The following PFKFB3 variants were observed in gnomAD, a reference collection of about 807,000 sequenced individuals.
PFKFB3 encodes the protein 6-phosphofructo-2-kinase/fructose-2,6-bisphosphatase 3.
Under a neutral mutation model 68.0 loss-of-function variants are expected in PFKFB3, and 33 were observed. The observed-to-expected ratio is 0.49, with a 90% CI of 0.37 to 0.65. The LOEUF (loss-of-function observed/expected upper bound fraction) is 0.65, where lower values mean the gene tolerates loss of function less well. PFKFB3 is among the 30% of genes least tolerant of loss of function. The probability of loss-of-function intolerance (pLI) is 0.00; values close to 1 mark genes in which losing one functional copy is unlikely to be tolerated. For missense variants in PFKFB3, 586 were observed against 712.2 expected (o/e 0.82, Z 2.02); for synonymous variants, 315 against 288.2 (o/e 1.09, Z -0.94).
chr10:6,288,241 T>C, the PFKFB3 span, among the ~76,000 whole-genome samples: 1 of 150,932 alleles, frequency 6.6e-6, no homozygotes, highest in African/African-American at 2.4e-5. Context: ...TTAGGGTACA[T>C]GTGCACAATG....
intron 1 of PFKFB3, among the ~76,000 whole-genome samples, chr10:6,170,557 A>T (rs1842277040): frequency 6.6e-6 from 1 of 152,262 alleles, no homozygotes; most frequent in African/African-American, 2.4e-5. Context: ...TTTAAAAAGT[A>T]TATTTAAACC....
At chr10:6,168,188 T>C (rs1482159819) in intron 1 of PFKFB3, among the ~76,000 whole-genome samples, 1 of 152,332 alleles carries the variant, frequency 6.6e-6, no homozygotes, top group East Asian at 1.9e-4. Context: ...CTAGAGGTAG[T>C]GGGAGGCTGG....
chr10:6,272,600 C>G, the PFKFB3 span, among the ~76,000 whole-genome samples: 2 of 151,964 alleles, frequency 1.3e-5, no homozygotes, highest in African/African-American at 4.8e-5. Flanking sequence ...GAGGCTGAGG[C>G]AGGAGAATTG....
At chr10:6,168,395 A>G (rs1182694458) in intron 1 of PFKFB3, among the ~76,000 whole-genome samples, 1 of 152,128 alleles carries the variant, frequency 6.6e-6, no homozygotes, top group East Asian at 1.9e-4. Context: ...TTCTGATGCC[A>G]CCTCCACCAC....
chr10:6,267,902 C>T, the PFKFB3 span, among the ~76,000 whole-genome samples: 4 of 136,406 alleles, frequency 2.9e-5, no homozygotes, highest in Non-Finnish European at 4.6e-5. Context: ...TTGCAGTGAG[C>T]CGAGATGGTG....
At chr10:6,253,213 C>T (rs942977094) in intron 14 of PFKFB3, among the ~76,000 whole-genome samples, 11 of 152,202 alleles carry the variant, frequency 7.2e-5, no homozygotes, top group East Asian at 1.9e-4. Context: ...CCACCATGCC[C>T]GGCCTATATT....
At chr10:6,262,332 T>A in the PFKFB3 span, among the ~76,000 whole-genome samples, 4 of 144,146 alleles carry the variant, frequency 2.8e-5, no homozygotes, top group African/African-American at 2.6e-5. Context: ...GGGGTGCCTG[T>A]AGTCCCAGCT....
At chr10:6,305,429 C>T in the PFKFB3 span, among the ~76,000 whole-genome samples, 5 of 152,166 alleles carry the variant, frequency 3.3e-5, no homozygotes, top group African/African-American at 1.2e-4. Flanking sequence ...TATCCTCCTG[C>T]CTTGGCCTTG....
intron 1 of PFKFB3, among the ~76,000 whole-genome samples, chr10:6,172,229 C>T (rs909509242): frequency 1.1e-4 from 17 of 152,174 alleles, no homozygotes; most frequent in African/African-American, 1.7e-4. Flanking sequence ...CAGCCCACGT[C>T]GGGAGGGCAA....
At chr10:6,193,794 G>A (rs1843095841) in intron 1 of PFKFB3, among the ~76,000 whole-genome samples, 1 of 152,088 alleles carries the variant, frequency 6.6e-6, no homozygotes, top group Non-Finnish European at 1.5e-5. Flanking sequence ...GAATTACAAA[G>A]AAACTTCTTA....
At chr10:6,320,502 A>C in the PFKFB3 span, among the ~76,000 whole-genome samples, 1 of 151,856 alleles carries the variant, frequency 6.6e-6, no homozygotes, top group African/African-American at 2.4e-5. Context: ...CCCAGGTGAA[A>C]GGGCAGTGGC....
rs1297720232 is a variant in PFKFB3, at chr10:6,234,814, G to C, written c.*1872G>C. On this transcript the variant is annotated 3_prime_UTR_variant, in exon 15 of 15. Coordinates refer to ENST00000379775, the MANE Select transcript of PFKFB3 (RefSeq NM_004566.4). The stretch of plus-strand genomic sequence containing the variant: ...GTTTGATACAGATAGGGGCTTGATA[G>C]CTGTGGTCCCCTCTCCCCTCTGACT... The C allele has an allele frequency of 1.3e-5, 2 of 152,266 alleles. No individual in the cohort carries two copies. Among genetic ancestry groups the C allele is most frequent in the Non-Finnish European group, 2.9e-5 (2 of 68,040 alleles). 9.4% of individuals were successfully genotyped at this position (152,266 alleles called of 1,614,324 possible). A position where few individuals can be genotyped will look rare whatever the true frequency, so the allele number is the denominator to read the frequency against.
At chr10:6,146,195 C>T in intron 1 of PFKFB3, 2 of 1,414,578 alleles carry the variant, frequency 1.4e-6, no homozygotes, top group Non-Finnish European at 1.8e-6. Flanking sequence ...CCGTCTCTCC[C>T]TTCCCGCACC....
Position 6,183,298 on chromosome 10 carries a change from T to G in PFKFB3, c.17-30325T>G, listed in dbSNP as rs376155506. ...CCACGCCAACTTTGGGGTTGGCTTA[T>G]TCTAGAATCTAGACTATTTTTTTGC... is the stretch of plus-strand genomic sequence containing the variant. On this transcript the variant is annotated intron_variant, in intron 1 of 14. Transcript: ENST00000379789. Among the ~76,000 whole-genome samples the G allele has an allele frequency of 6.0e-4, 91 of 152,332 alleles. No homozygotes were observed. The South Asian group carries it at 0.017, about 29-fold the overall frequency.
chr10:6,289,680 C>T, the PFKFB3 span, among the ~76,000 whole-genome samples: 7 of 152,056 alleles, frequency 4.6e-5, no homozygotes, highest in South Asian at 2.1e-4. Context: ...ATTGACTTGG[C>T]GATGCGGGCT....
At chr10:6,146,422 G>A in intron 1 of PFKFB3, 1 of 1,535,572 alleles carries the variant, frequency 6.5e-7, no homozygotes, top group Non-Finnish European at 8.7e-7. Context: ...CAGCAAGCAG[G>A]GGCTCTGCCA....
the PFKFB3 span, among the ~76,000 whole-genome samples, chr10:6,315,393 C>T: frequency 6.6e-6 from 1 of 152,164 alleles, no homozygotes; most frequent in Admixed American, 6.5e-5. Context: ...AACGTAAAGG[C>T]CAGTTGCCTT....
rs568337048 is a variant in PFKFB3, at chr10:6,235,494, T to A, written c.*2552T>A. The A allele has an allele frequency of 2.6e-5, 4 of 152,468 alleles. No homozygotes were observed. The South Asian group carries it at 8.3e-4, about 32-fold the overall frequency. 9.4% of individuals were successfully genotyped at this position (152,468 alleles called of 1,614,324 possible). Reference sequence around the variant, plus strand: ...ATGCCTTTCAGAAATTTGTATATTTTGCAGTTGCCAGACCAATAAAATACC... The same window carrying A: ...ATGCCTTTCAGAAATTTGTATATTTAGCAGTTGCCAGACCAATAAAATACC... On this transcript the variant is annotated 3_prime_UTR_variant, in exon 15 of 15. Coordinates refer to ENST00000379775, the MANE Select transcript of PFKFB3 (RefSeq NM_004566.4).
chr10:6,321,298 C>T, the PFKFB3 span, among the ~76,000 whole-genome samples: 3 of 152,110 alleles, frequency 2.0e-5, no homozygotes, highest in Admixed American at 6.6e-5. Context: ...GCTGTGTCCT[C>T]GTCACCTAGT....
Sources: allele counts gnomAD v4.1 joint callset (sites outside exome capture counted in the v4.1 genomes callset), GRCh38; gene constraint gnomAD v4.1.1; transcripts MANE v1.5; gene names NCBI Gene and HGNC (gene_info 2026-07-23, HGNC 2026-07-21).